RNLS: variants seen among roughly 807,000 people sequenced by gnomAD.
RNLS encodes renalase.
A neutral mutation model predicts 39.8 loss-of-function variants in RNLS; 39 were observed. That is an observed-to-expected ratio of 0.98 (90% CI 0.76 to 1.28). The LOEUF (loss-of-function observed/expected upper bound fraction) is 1.28, where lower values mean the gene tolerates loss of function less well. Among genes scored for constraint, RNLS ranks in the 50% most tolerant of loss-of-function variants. The pLI is 0.00. For synonymous variants in RNLS, 147 were observed against 150.7 expected (o/e 0.98, Z 0.18); for missense variants, 410 against 413.3 (o/e 0.99, Z 0.07).
At chr10:88,267,082 T>C in the RNLS span, among the ~76,000 whole-genome samples, 3 of 152,184 alleles carry the variant, frequency 2.0e-5, no homozygotes, top group Non-Finnish European at 2.9e-5. Context: ...CCTACTCCTG[T>C]TCCCTGTACC....
At chr10:88,231,968 G>GTGTGTGTGTGTGTGTGTC in the RNLS span, among the ~76,000 whole-genome samples, 6 of 142,176 alleles carry the variant, frequency 4.2e-5, no homozygotes, top group African/African-American at 1.6e-4. Context: ...GTGTGTGTGT[G>GTGTGTGTGTGTGTGTGTC]TGTCTGTCTC....
intron 4 of RNLS, among the ~76,000 whole-genome samples, chr10:88,561,001 T>A (rs975540989): frequency 6.6e-6 from 1 of 151,770 alleles, no homozygotes; most frequent in Non-Finnish European, 1.5e-5. Flanking sequence ...TAATCCACTC[T>A]GCTACAACTC....
the RNLS span, among the ~76,000 whole-genome samples, chr10:88,210,572 A>G: frequency 1.3e-5 from 2 of 152,154 alleles, no homozygotes; most frequent in South Asian, 4.1e-4. Flanking sequence ...CTCTGCCTAC[A>G]TGACATTTAC....
At chr10:88,535,966 C>T (rs1035378439) in intron 4 of RNLS, among the ~76,000 whole-genome samples, 1 of 152,080 alleles carries the variant, frequency 6.6e-6, no homozygotes, top group African/African-American at 2.4e-5. Context: ...GATGAAATAT[C>T]CTCCATCTCA....
intron 4 of RNLS, among the ~76,000 whole-genome samples, chr10:88,457,112 A>G (rs1313083191): frequency 2.6e-5 from 4 of 152,182 alleles, no homozygotes; most frequent in African/African-American, 4.8e-5. Flanking sequence ...TGAAACCTCA[A>G]GAGTTTTTCT....
the RNLS span, among the ~76,000 whole-genome samples, chr10:88,245,137 A>C: frequency 6.6e-6 from 1 of 152,276 alleles, no homozygotes; most frequent in Non-Finnish European, 1.5e-5. Flanking sequence ...TTTATCTGGC[A>C]TCAGCTCGAA....
the RNLS span, among the ~76,000 whole-genome samples, chr10:88,189,359 A>T: frequency 6.6e-6 from 1 of 152,088 alleles, no homozygotes; most frequent in African/African-American, 2.4e-5. Context: ...TTATTGTTTT[A>T]CTCTGTGTAT....
intron 4 of RNLS, among the ~76,000 whole-genome samples, chr10:88,548,851 C>T (rs1184629281): frequency 6.6e-6 from 1 of 151,776 alleles, no homozygotes; most frequent in Admixed American, 6.6e-5. Context: ...ATAAAGCATA[C>T]ATACAAAACT....
intron 3 of RNLS, among the ~76,000 whole-genome samples, chr10:88,573,587 G>C (rs540049952): frequency 6.6e-6 from 1 of 152,060 alleles, no homozygotes; most frequent in Non-Finnish European, 1.5e-5. Context: ...TTCTCTGTAA[G>C]GGAAATGCAA....
At chr10:88,326,323 C>A (rs1846604457) in intron 5 of RNLS, among the ~76,000 whole-genome samples, 1 of 152,180 alleles carries the variant, frequency 6.6e-6, no homozygotes, top group Non-Finnish European at 1.5e-5. Context: ...GATAGTGATA[C>A]AGACAATAAA....
intron 5 of RNLS, among the ~76,000 whole-genome samples, chr10:88,317,222 C>A (rs1393986025): frequency 5.3e-5 from 8 of 152,170 alleles, no homozygotes; most frequent in Non-Finnish European, 1.2e-4. Context: ...ACCTCTGCAT[C>A]CTTTAATAGC....
rs1242049185 is a variant in RNLS at position 88,284,740 on chromosome 10, A to C, written c.*614T>G. 1.0e-6 allele frequency: 1 copy of C among 985,252 alleles called. No individual in the cohort carries two copies. The highest frequency in any genetic ancestry group is 1.2e-6 in the Non-Finnish European group (1 of 829,916). The allele number at this position is 985,252 out of a possible 1,614,324, so 61.0% of individuals were successfully genotyped here. On this transcript the variant is annotated 3_prime_UTR_variant, in exon 7 of 7. Transcript: ENST00000331772. ...CTGTGTGGCTGGGAAAATCATGTGGAATCTTATACTTTCTGAAAATCTGAA... is the reference window on the plus strand; with the variant it reads ...CTGTGTGGCTGGGAAAATCATGTGGCATCTTATACTTTCTGAAAATCTGAA...
intron 4 of RNLS, among the ~76,000 whole-genome samples, chr10:88,571,222 C>A (rs543101879): frequency 6.6e-6 from 1 of 151,996 alleles, no homozygotes; most frequent in Non-Finnish European, 1.5e-5. Flanking sequence ...GCTCAAGCAA[C>A]CCTCCTGCCT....
intron 6 of RNLS, among the ~76,000 whole-genome samples, chr10:88,296,043 G>T (rs913734830): frequency 2.0e-5 from 3 of 152,148 alleles, no homozygotes; most frequent in African/African-American, 4.8e-5. Flanking sequence ...CTGCCCTTCA[G>T]CAAGTTGTAG....
chr10:88,469,238 T>G (rs1843377013), intron 4 of RNLS, among the ~76,000 whole-genome samples: 1 of 152,226 alleles, frequency 6.6e-6, no homozygotes, highest in Admixed American at 6.5e-5. Context: ...ATTCTGGTCA[T>G]CACAAAGTTC....
chr10:88,425,478 A>G (rs1026884870), intron 4 of RNLS, among the ~76,000 whole-genome samples: 5 of 152,060 alleles, frequency 3.3e-5, no homozygotes, highest in African/African-American at 1.2e-4. Context: ...GAATCTTCCT[A>G]TTTACCCACA....
the RNLS span, among the ~76,000 whole-genome samples, chr10:88,257,511 A>G: frequency 1.3e-5 from 2 of 152,182 alleles, no homozygotes; most frequent in South Asian, 4.1e-4. Flanking sequence ...TTGGCTCACA[A>G]TGTTTTAGGC....
intron 4 of RNLS, among the ~76,000 whole-genome samples, chr10:88,480,787 T>TGTGTG (rs1844112124): frequency 6.8e-6 from 1 of 147,540 alleles, no homozygotes; most frequent in African/African-American, 2.5e-5. Context: ...TCCTGTGTCT[T>TGTGTG]TGTGTGTGTG....
At chr10:88,327,631 T>A (rs1168000863) in intron 5 of RNLS, among the ~76,000 whole-genome samples, 3 of 152,236 alleles carry the variant, frequency 2.0e-5, no homozygotes, top group African/African-American at 7.2e-5. Flanking sequence ...GAAAATAGAC[T>A]AAGGCAATGC....
Sources: gnomAD v4.1 joint callset for allele counts (sites outside exome capture counted in the v4.1 genomes callset) on GRCh38, gnomAD v4.1.1 for gene constraint, MANE v1.5 for transcripts, NCBI Gene and HGNC (gene_info 2026-07-23, HGNC 2026-07-21) for gene names.